CHSY3: variants seen among roughly 807,000 people sequenced by gnomAD.
CHSY3 encodes chondroitin sulfate synthase 3, also known as N-acetylgalactosaminyl-proteoglycan 3-beta-glucuronosyltransferase 3.
In CHSY3, 35 loss-of-function variants were observed where a neutral mutation model predicts 67.2. The observed-to-expected ratio is 0.52, with a 90% CI of 0.40 to 0.69. The LOEUF (loss-of-function observed/expected upper bound fraction) is 0.69, where lower values mean the gene tolerates loss of function less well. Among genes scored for constraint, CHSY3 ranks in the 30% least tolerant of loss-of-function variants. The probability of loss-of-function intolerance (pLI) is 0.00; values close to 1 mark genes in which losing one functional copy is unlikely to be tolerated. For synonymous variants in CHSY3, 474 were observed against 434.7 expected (o/e 1.09, Z -1.12); for missense variants, 1,069 against 1,138.5 (o/e 0.94, Z 0.88).
intron 2 of CHSY3, among the ~76,000 whole-genome samples, chr5:130,091,713 A>T (rs545608582): frequency 4.7e-4 from 71 of 152,294 alleles, no homozygotes; most frequent in Non-Finnish European, 9.8e-4. Context: ...ATGCCTGTTC[A>T]CTCTAGCAAT....
chr5:130,109,169 C>T (rs1463086229), intron 2 of CHSY3, among the ~76,000 whole-genome samples: 2 of 151,586 alleles, frequency 1.3e-5, no homozygotes, highest in South Asian at 2.1e-4. Context: ...ACTTTAAAAC[C>T]GTTAATATAT....
intron 2 of CHSY3, among the ~76,000 whole-genome samples, chr5:129,945,507 C>T (rs1277731308): frequency 9.3e-6 from 1 of 107,192 alleles, no homozygotes; most frequent in East Asian, 2.7e-4. Flanking sequence ...TACTCATAAA[C>T]ATTGACTTTA....
intron 2 of CHSY3, among the ~76,000 whole-genome samples, chr5:130,020,320 T>C (rs1007391199): frequency 6.6e-6 from 1 of 151,208 alleles, no homozygotes; most frequent in Non-Finnish European, 1.5e-5. Context: ...CTCGGGAGGC[T>C]GAGGCAGGAG....
At chr5:130,023,920 G>GC (rs947853561) in intron 2 of CHSY3, among the ~76,000 whole-genome samples, 7 of 150,894 alleles carry the variant, frequency 4.6e-5, no homozygotes, top group African/African-American at 7.3e-5. Context: ...ACCATTCCCC[G>GC]CCCCCCCAAT....
chr5:129,905,474 C>T lies in CHSY3; in HGVS notation c.645C>T (p.Gly215=). 2 of 1,612,840 alleles carry T rather than the reference C, an allele frequency of 1.2e-6. No homozygotes were observed. The part of the protein sequence containing the change: ...FFSSQQPPNA[G]QPPPPLPVIA... ...CCAGCCAGCAGCCCCCCAACGCCGG[C>T]CAGCCCCCGCCACCCCTGCCTGTCA... The change falls in exon 1 of 3, where the codon GGC becomes GGT. Residue 215 remains glycine, a synonymous_variant. Transcript: ENST00000305031.
At position 130,146,188 on chromosome 5, in the gene CHSY3, T is replaced by C. The variant is rs376819797; in HGVS notation, c.1087-38041T>C. On this transcript the variant is annotated intron_variant, in intron 2 of 2. Coordinates refer to ENST00000305031, the MANE Select transcript of CHSY3 (RefSeq NM_175856.5). ...AGCACTATTTATAATAGTCAAGATG[T>C]AGAATCAACCTGTGTCCAACAATGG... 2.1e-3 allele frequency among the ~76,000 whole-genome samples: 323 copies of C among 152,310 alleles called. 6 individuals carry two copies. The South Asian group carries it at 0.035, about 17-fold the overall frequency.
intron 2 of CHSY3, among the ~76,000 whole-genome samples, chr5:129,942,300 T>C (rs1761723615): frequency 6.6e-6 from 1 of 152,184 alleles, no homozygotes; most frequent in South Asian, 2.1e-4. Flanking sequence ...ACAGTAACAC[T>C]TGTCAACACT....
chr5:130,131,825 C>G, intron 2 of CHSY3, among the ~76,000 whole-genome samples: 1 of 152,132 alleles, frequency 6.6e-6, no homozygotes, highest in East Asian at 1.9e-4. Flanking sequence ...GCCCCAGAGC[C>G]TGGAACAATG....
At chr5:130,020,461 A>ATATATATATATATT (rs1371121130) in intron 2 of CHSY3, among the ~76,000 whole-genome samples, 14 of 79,840 alleles carry the variant, frequency 1.8e-4, no homozygotes, top group Non-Finnish European at 2.7e-4. Flanking sequence ...ATATATATAT[A>ATATATATATATATT]TTTTTTTTTT....
rs896971728 is a variant in CHSY3, at chr5:130,104,208, T to C, written c.1087-80021T>C. ...ATAACAAAACAAAAAAAATTGATTA[T>C]TCACAATAAAAAAGAATGCATCTAT... is the stretch of plus-strand genomic sequence containing the variant. On this transcript the variant is annotated intron_variant, in intron 2 of 2. Transcript: ENST00000305031. Among the ~76,000 whole-genome samples the C allele has an allele frequency of 9.2e-5, 14 of 151,928 alleles. 1 individual carries two copies. Among genetic ancestry groups the C allele is most frequent in the Middle Eastern group, 3.4e-3 (1 of 294 alleles).
chr5:130,096,694 A>G (rs1767059457), intron 2 of CHSY3, among the ~76,000 whole-genome samples: 1 of 151,956 alleles, frequency 6.6e-6, no homozygotes, highest in African/African-American at 2.4e-5. Context: ...AGGTGTTGCC[A>G]ACCATTTTTT....
At chr5:129,930,882 G>T (rs1006400264) in intron 2 of CHSY3, among the ~76,000 whole-genome samples, 2 of 152,060 alleles carry the variant, frequency 1.3e-5, no homozygotes, top group Non-Finnish European at 1.5e-5. Context: ...AGAATTCTGG[G>T]AACACGTAGG....
intron 2 of CHSY3, among the ~76,000 whole-genome samples, chr5:129,937,041 C>G (rs918944984): frequency 6.6e-5 from 10 of 152,220 alleles, no homozygotes; most frequent in African/African-American, 1.7e-4. Flanking sequence ...TTCTCACTCT[C>G]GTTCTCTTTT....
chr5:130,013,973 C>T (rs527877030), intron 2 of CHSY3, among the ~76,000 whole-genome samples: 1 of 152,230 alleles, frequency 6.6e-6, no homozygotes, highest in Non-Finnish European at 1.5e-5. Context: ...CAGCAGATAC[C>T]CTAAATCATC....
At chr5:129,924,142 A>C (rs1389426029) in intron 2 of CHSY3, among the ~76,000 whole-genome samples, 1 of 152,172 alleles carries the variant, frequency 6.6e-6, no homozygotes, top group Non-Finnish European at 1.5e-5. Context: ...AAACACTAAA[A>C]AGCATAAAAA....
intron 2 of CHSY3, among the ~76,000 whole-genome samples, chr5:130,110,443 G>C (rs1417240974): frequency 6.6e-6 from 1 of 151,934 alleles, no homozygotes; most frequent in African/African-American, 2.4e-5. Flanking sequence ...TGTTTCTTTA[G>C]TATTTGTAAT....
chr5:129,937,651 T>A (rs1473112018), intron 2 of CHSY3, among the ~76,000 whole-genome samples: 6 of 149,978 alleles, frequency 4.0e-5, no homozygotes, highest in South Asian at 2.1e-4. Flanking sequence ...AAAAAAAAAA[T>A]AGTCACTTCT....
intron 2 of CHSY3, among the ~76,000 whole-genome samples, chr5:130,179,051 A>T (rs1188972017): frequency 6.6e-6 from 1 of 152,156 alleles, no homozygotes; most frequent in Non-Finnish European, 1.5e-5. Context: ...CTCCACTTTT[A>T]TTCCCTATGT....
intron 2 of CHSY3, among the ~76,000 whole-genome samples, chr5:130,012,799 C>T (rs950050711): frequency 6.6e-6 from 1 of 151,992 alleles, no homozygotes; most frequent in Admixed American, 6.6e-5. Flanking sequence ...CTCCTGGCCC[C>T]TCACAAATCT....
Sources: gnomAD v4.1 joint callset for allele counts (sites outside exome capture counted in the v4.1 genomes callset) on GRCh38, gnomAD v4.1.1 for gene constraint, MANE v1.5 for transcripts, NCBI Gene and HGNC (gene_info 2026-07-23, HGNC 2026-07-21) for gene names.